The following RABGAP1L variants were observed in gnomAD, a reference collection of about 807,000 sequenced individuals.
RABGAP1L encodes the protein rab GTPase-activating protein 1-like.
RABGAP1L carries 63 observed loss-of-function variants against 137.7 expected under a neutral mutation model. The ratio of observed to expected loss-of-function variants is 0.46; its 90% CI spans 0.37 to 0.56. The LOEUF (loss-of-function observed/expected upper bound fraction) is 0.56. Among genes scored for constraint, RABGAP1L ranks in the 20% least tolerant of loss-of-function variants. RABGAP1L has a pLI of 0.00. For missense variants in RABGAP1L, 1,095 were observed against 1,244.0 expected (o/e 0.88, Z 1.80); for synonymous variants, 431 against 433.7 (o/e 0.99, Z 0.08).
At chr1:174,252,883 CTT>C (rs1173969627) in intron 7 of RABGAP1L, among the ~76,000 whole-genome samples, 5 of 152,110 alleles carry the variant, frequency 3.3e-5, no homozygotes, top group African/African-American at 1.2e-4. Context: ...ATACTTTTAA[CTT>C]TTCAATCACT....
At chr1:174,981,147 C>G (rs902513226) in intron 23 of RABGAP1L, among the ~76,000 whole-genome samples, 1 of 152,136 alleles carries the variant, frequency 6.6e-6, no homozygotes, top group African/African-American at 2.4e-5. Flanking sequence ...TATTATCTGG[C>G]AAGCCCTTGA....
At position 174,231,173 on chromosome 1, in the gene RABGAP1L, A is replaced by T. The variant is rs1670620917; in HGVS notation, c.360A>T (p.Pro120=). 3 of 1,613,082 alleles carry T rather than the reference A, an allele frequency of 1.9e-6. No individual in the cohort carries two copies. Among genetic ancestry groups the T allele is most frequent in the Non-Finnish European group, 2.5e-6 (3 of 1,179,474 alleles). ...TTTCTACACCCAGACCATCTTCTCC[A>T]GGTGGACTACCTGAAGAAGATAGTG... ...TEISTPRPSS[P]GGLPEEDSVL... The change falls in exon 4 of 26, where the codon CCA becomes CCT. Residue 120 remains proline (P), a synonymous_variant. Coordinates refer to ENST00000681986, the MANE Select transcript of RABGAP1L (RefSeq NM_001366446.1).
At chr1:174,493,257 G>A (rs1363849162) in intron 13 of RABGAP1L, among the ~76,000 whole-genome samples, 1 of 150,490 alleles carries the variant, frequency 6.6e-6, no homozygotes, top group East Asian at 2.0e-4. Context: ...AGCTACTTGG[G>A]AGACTGAGGT....
intron 18 of RABGAP1L, among the ~76,000 whole-genome samples, chr1:174,776,964 A>G (rs1055062896): frequency 6.6e-6 from 1 of 152,238 alleles, no homozygotes; most frequent in Admixed American, 6.5e-5. Context: ...GACAGGTATT[A>G]TAGGCACACA....
chr1:174,695,482 A>C (rs575248955), intron 15 of RABGAP1L, among the ~76,000 whole-genome samples: 1 of 152,192 alleles, frequency 6.6e-6, no homozygotes, highest in South Asian at 2.1e-4. Flanking sequence ...TCTTTTTGTT[A>C]ACTTTATCTG....
intron 13 of RABGAP1L, among the ~76,000 whole-genome samples, chr1:174,425,345 A>G (rs1035186589): frequency 3.3e-5 from 5 of 152,038 alleles, no homozygotes; most frequent in Admixed American, 1.3e-4. Context: ...TGCATGCTTC[A>G]GGTGGTAAGC....
chr1:174,795,351 A>G (rs1025380989), intron 18 of RABGAP1L, among the ~76,000 whole-genome samples: 2 of 152,190 alleles, frequency 1.3e-5, no homozygotes, highest in African/African-American at 4.8e-5. Flanking sequence ...CCATACCAGC[A>G]AAGGGATAGC....
At chr1:174,865,303 T>C (rs1651012446) in intron 19 of RABGAP1L, among the ~76,000 whole-genome samples, 1 of 152,180 alleles carries the variant, frequency 6.6e-6, no homozygotes, top group African/African-American at 2.4e-5. Flanking sequence ...ATGGTGCCAC[T>C]GCATTCCAGC....
chr1:174,502,005 C>T (rs932692155), intron 13 of RABGAP1L, among the ~76,000 whole-genome samples: 1 of 150,808 alleles, frequency 6.6e-6, no homozygotes, highest in Non-Finnish European at 1.5e-5. Context: ...CTACTATTAT[C>T]TTTGGAAACT....
At chr1:174,443,026 A>T (rs768607822) in intron 13 of RABGAP1L, among the ~76,000 whole-genome samples, 1 of 152,092 alleles carries the variant, frequency 6.6e-6, no homozygotes, top group East Asian at 1.9e-4. Context: ...AGTTCCAATC[A>T]TGTTGCTGCA....
At chr1:174,634,449 G>T (rs1269747073) in intron 13 of RABGAP1L, among the ~76,000 whole-genome samples, 2 of 129,234 alleles carry the variant, frequency 1.5e-5, no homozygotes, top group Middle Eastern at 3.4e-3. Context: ...CTGTAAACTA[G>T]TTCAACCATT....
chr1:174,984,429 C>T lies in RABGAP1L; in HGVS notation c.2805+1524C>T, dbSNP rs982372079. Among the ~76,000 whole-genome samples the T allele has an allele frequency of 3.3e-5, 5 of 152,224 alleles. 1 individual carries two copies. In the South Asian group the frequency reaches 1.0e-3, roughly 32 times the overall value. ...GTTATGTATACATGCAAATTAAGAA[C>T]TTCGGAAGCAGTTCAAGGGAGCTAA... On this transcript the variant is annotated intron_variant, in intron 24 of 25. Transcript: ENST00000681986.
At chr1:174,912,393 T>G (rs1458892464) in intron 19 of RABGAP1L, among the ~76,000 whole-genome samples, 2 of 152,210 alleles carry the variant, frequency 1.3e-5, no homozygotes, top group East Asian at 3.8e-4. Context: ...TCCTCTCACC[T>G]TGGCCTCCTA....
In RABGAP1L at chr1:174,413,722, G is replaced by A. The variant is rs78709847; in HGVS notation, c.1710+19577G>A. Among the ~76,000 whole-genome samples the A allele has an allele frequency of 4.0e-3, 612 of 152,052 alleles. 6 individuals carry two copies. The highest frequency in any genetic ancestry group is 0.012 in the African/African-American group (496 of 41,438). On this transcript the variant is annotated intron_variant, in intron 13 of 25. Coordinates refer to ENST00000681986, the MANE Select transcript of RABGAP1L (RefSeq NM_001366446.1). The stretch of plus-strand genomic sequence containing the variant: ...AGAGAATTCTGGTTAGGGTCTTTTG[G>A]CTTTGCTTCTATAGCCCTATGCACT...
At chr1:174,706,150 T>G (rs765935947) in intron 17 of RABGAP1L, among the ~76,000 whole-genome samples, 5 of 152,192 alleles carry the variant, frequency 3.3e-5, no homozygotes, top group Non-Finnish European at 7.4e-5. Context: ...TTTTAAAGAT[T>G]TCTTCATTCA....
intron 19 of RABGAP1L, among the ~76,000 whole-genome samples, chr1:174,816,818 G>A (rs1286431326): frequency 1.4e-5 from 2 of 147,118 alleles, no homozygotes; most frequent in Non-Finnish European, 3.0e-5. Context: ...TGCAACCTTC[G>A]CCTCCCTGGT....
intron 1 of RABGAP1L, among the ~76,000 whole-genome samples, chr1:174,214,911 C>T (rs1044438684): frequency 1.3e-4 from 20 of 152,098 alleles, no homozygotes; most frequent in African/African-American, 4.8e-4. Flanking sequence ...GGAAACTCTC[C>T]AGGACGTTGG....
chr1:174,268,795 A>G (rs892389615), intron 7 of RABGAP1L, among the ~76,000 whole-genome samples: 4 of 152,126 alleles, frequency 2.6e-5, no homozygotes, highest in Admixed American at 2.6e-4. Context: ...TTAAAGTTCT[A>G]TTTTGAGTAA....
At chr1:174,216,478 T>C (rs1353492191) in intron 1 of RABGAP1L, among the ~76,000 whole-genome samples, 2 of 151,834 alleles carry the variant, frequency 1.3e-5, no homozygotes, top group African/African-American at 4.8e-5. Flanking sequence ...TTTAAATAAT[T>C]TTATACTGCA....
Sources: gnomAD v4.1 joint callset for allele counts (sites outside exome capture counted in the v4.1 genomes callset) on GRCh38, gnomAD v4.1.1 for gene constraint, MANE v1.5 for transcripts, NCBI Gene and HGNC (gene_info 2026-07-23, HGNC 2026-07-21) for gene names.